Variants in AMPH observed in about 807,000 individuals in gnomAD.
The protein encoded by AMPH is amphiphysin.
In AMPH, 49 loss-of-function variants were observed where a neutral mutation model predicts 99.1. The ratio of observed to expected loss-of-function variants is 0.49; its 90% CI spans 0.39 to 0.63. AMPH has a LOEUF of 0.63. Ranked by LOEUF, AMPH falls within the 20% of genes least tolerant of loss-of-function variation. The pLI is 0.00. For missense variants in AMPH, 759 were observed against 863.4 expected (o/e 0.88, Z 1.52); for synonymous variants, 314 against 317.3 (o/e 0.99, Z 0.11).
At chr7:38,543,370 G>A (rs545910037) in intron 1 of AMPH, among the ~76,000 whole-genome samples, 2 of 152,322 alleles carry the variant, frequency 1.3e-5, no homozygotes, top group East Asian at 3.9e-4. Flanking sequence ...AATGGGAGCT[G>A]TAAGTTCCCT....
In AMPH at chr7:38,407,076, A is replaced by ATG. The variant is rs70975098; in HGVS notation, c.1398+10747_1398+10748dup. Reference sequence around the variant, plus strand: ...TATATATATATATATATATATATATATGTGTGTGTGTGTGTGTGTGTGTGT... The same window carrying ATG: ...TATATATATATATATATATATATATATGTGTGTGTGTGTGTGTGTGTGTGTGT... On this transcript the variant is annotated intron_variant, in intron 17 of 20. Transcript: ENST00000356264. Among the ~76,000 whole-genome samples, 98 of 19,744 alleles carry ATG rather than the reference A, an allele frequency of 5.0e-3. 2 individuals are homozygous for ATG. The highest frequency in any genetic ancestry group is 7.1e-3 in the Non-Finnish European group (79 of 11,156). The allele number at this position is 19,744 out of a possible 152,430, so 13.0% of individuals were successfully genotyped here. A position where few individuals can be genotyped will look rare whatever the true frequency, so the allele number is the denominator to read the frequency against.
Position 38,480,215 on chromosome 7 carries a change from G to A in AMPH, c.397-3246C>T, listed in dbSNP as rs577879877. Reference sequence around the variant, plus strand: ...GCATGAGATAACCTCTAATTTGTCCGAAATTGCTCAGCAAGTCTGTGGCAA... The same window carrying A: ...GCATGAGATAACCTCTAATTTGTCCAAAATTGCTCAGCAAGTCTGTGGCAA... On this transcript the variant is annotated intron_variant, in intron 5 of 20. Transcript: ENST00000356264. Among the ~76,000 whole-genome samples the A allele has an allele frequency of 1.2e-4, 19 of 152,182 alleles. No homozygotes were observed. The East Asian group carries it at 1.9e-3, about 15-fold the overall frequency.
intron 1 of AMPH, among the ~76,000 whole-genome samples, chr7:38,553,451 T>G (rs1318210247): frequency 6.6e-6 from 1 of 152,240 alleles, no homozygotes; most frequent in Admixed American, 6.5e-5. Context: ...TTTGTAGTTT[T>G]AAAACACACA....
chr7:38,441,838 A>ATATCTATCATATATATTATATATC (rs1245258939), intron 11 of AMPH, among the ~76,000 whole-genome samples: 1 of 109,990 alleles, frequency 9.1e-6, no homozygotes, highest in African/African-American at 3.9e-5. Flanking sequence ...TATATATCAT[A>ATATCTATCATATATATTATATATC]TATCATATAT....
chr7:38,592,766 G>A (rs1792905261), intron 1 of AMPH, among the ~76,000 whole-genome samples: 1 of 151,656 alleles, frequency 6.6e-6, no homozygotes, highest in South Asian at 2.1e-4. Context: ...CTCCCACTGT[G>A]TGGTCTCACC....
rs375692613 is a variant in AMPH, at chr7:38,522,565, G to A, written c.150+12366C>T. 1.8e-4 allele frequency among the ~76,000 whole-genome samples: 27 copies of A among 152,160 alleles called. No individual in the cohort carries two copies. In the East Asian group the frequency reaches 2.9e-3, roughly 16 times the overall value. On this transcript the variant is annotated intron_variant, in intron 2 of 20. Transcript: ENST00000356264. ...TGGGAACTCAGCTACGGTGCTAAGC[G>A]GGCAGAGATTCTTGGTCAGCAGGCC... is the stretch of plus-strand genomic sequence containing the variant.
At chr7:38,527,747 T>C (rs1308458235) in intron 2 of AMPH, among the ~76,000 whole-genome samples, 2 of 152,214 alleles carry the variant, frequency 1.3e-5, no homozygotes, top group Non-Finnish European at 2.9e-5. Flanking sequence ...ATTTTCCTTA[T>C]TGTACTGGCT....
rs146370454 is a variant in AMPH at position 38,391,838 on chromosome 7, G to A, written c.1788C>T (p.Pro596=). ...CCCCCATGGCTGGTGCAGAAGGCGTGGGCTGAGGGTCCTGGATAGGCTTCT... is the reference window on the plus strand; with the variant it reads ...CCCCCATGGCTGGTGCAGAAGGCGTAGGCTGAGGGTCCTGGATAGGCTTCT... ...TEQKPIQDPQ[P]TPSAPAMGAA... is the part of the protein sequence containing the mutation. Residue 596 remains proline (P), a synonymous_variant, in exon 19 of 21, where the codon CCC becomes CCT. Coordinates refer to ENST00000356264, the MANE Select transcript of AMPH (RefSeq NM_001635.4). 147 of 1,613,552 alleles carry A rather than the reference G, an allele frequency of 9.1e-5. No homozygotes were observed. The African/African-American group carries it at 1.6e-3, about 17-fold the overall frequency.
At chr7:38,499,192 A>C (rs905624322) in intron 3 of AMPH, among the ~76,000 whole-genome samples, 7 of 152,234 alleles carry the variant, frequency 4.6e-5, no homozygotes, top group Admixed American at 3.3e-4. Flanking sequence ...CTTTTTATTT[A>C]AGTGTCTTCT....
chr7:38,510,846 A>G (rs1476578796), intron 2 of AMPH, among the ~76,000 whole-genome samples: 1 of 152,184 alleles, frequency 6.6e-6, no homozygotes, highest in Non-Finnish European at 1.5e-5. Context: ...CTCTCAGGAT[A>G]CAGTCCTCAT....
intron 1 of AMPH, among the ~76,000 whole-genome samples, chr7:38,537,211 A>G (rs945946319): frequency 5.9e-5 from 9 of 152,198 alleles, no homozygotes; most frequent in African/African-American, 2.2e-4. Flanking sequence ...ATTAATATAA[A>G]CTGAAAATAA....
At chr7:38,575,051 TA>T (rs3056279) in intron 1 of AMPH, among the ~76,000 whole-genome samples, 37,061 of 104,946 alleles carry the variant, frequency 0.35, 5,984 homozygotes, top group East Asian at 0.4. Context: ...AGACTCTGTC[TA>T]AAAAAAAAAA....
At chr7:38,491,023 T>A (rs1264297132) in intron 5 of AMPH, 27 bp downstream of exon 5, 11 of 1,483,446 alleles carry the variant, frequency 7.4e-6, no homozygotes, top group Non-Finnish European at 1.0e-5. Context: ...ACTCAATCCT[T>A]CCCTTTATAG....
intron 7 of AMPH, among the ~76,000 whole-genome samples, chr7:38,467,243 G>C (rs1240975589): frequency 6.6e-6 from 1 of 152,166 alleles, no homozygotes; most frequent in Non-Finnish European, 1.5e-5. Context: ...TTTATTGGCA[G>C]GCAGTGGGCA....
At chr7:38,471,807 C>A (rs74401274) in intron 7 of AMPH, among the ~76,000 whole-genome samples, 14,656 of 151,888 alleles carry the variant, frequency 0.096, 944 homozygotes, top group Middle Eastern at 0.2. Flanking sequence ...ATATTCCATG[C>A]AAAGAGTAAT....
chr7:38,477,008 G>A (rs764459668), intron 5 of AMPH, 39 bp from the exon 6 acceptor site: 3 of 1,578,366 alleles, frequency 1.9e-6, no homozygotes, highest in South Asian at 1.1e-5. Flanking sequence ...AAGAAGCATG[G>A]ACATAAGAGT....
intron 17 of AMPH, among the ~76,000 whole-genome samples, chr7:38,402,012 ACTC>A (rs1485354836): frequency 6.6e-6 from 1 of 151,502 alleles, no homozygotes; most frequent in East Asian, 1.9e-4. Flanking sequence ...TGTTGGGAGA[ACTC>A]CTCCAGCTTG....
intron 17 of AMPH, among the ~76,000 whole-genome samples, chr7:38,413,688 C>A (rs1465693855): frequency 1.3e-5 from 2 of 151,696 alleles, no homozygotes; most frequent in Non-Finnish European, 2.9e-5. Context: ...CCAAGGTTCT[C>A]ATAAAAAAAA....
intron 1 of AMPH, among the ~76,000 whole-genome samples, chr7:38,543,108 A>AG (rs1790868769): frequency 6.7e-6 from 1 of 148,808 alleles, no homozygotes. Context: ...AAAAAAAAAA[A>AG]TAGCCAGGCA....
Sources: gnomAD v4.1 joint callset for allele counts (sites outside exome capture counted in the v4.1 genomes callset) on GRCh38, gnomAD v4.1.1 for gene constraint, MANE v1.5 for transcripts, NCBI Gene and HGNC (gene_info 2026-07-23, HGNC 2026-07-21) for gene names.